Variants in DYNLT5 observed in about 807,000 individuals in gnomAD.
The protein encoded by DYNLT5 is dynein light chain Tctex-type family member 5.
DYNLT5 carries 25 observed loss-of-function variants against 19.3 expected under a neutral mutation model. The ratio of observed to expected loss-of-function variants is 1.30; its 90% CI spans 0.95 to 1.81. DYNLT5 has a LOEUF of 1.81. DYNLT5 is among the 40% of genes most tolerant of loss of function. The pLI, the probability that DYNLT5 is intolerant of heterozygous loss-of-function variation, is 0.00. For missense variants in DYNLT5, 232 were observed against 217.9 expected, an observed-to-expected ratio of 1.06 and a Z score of -0.41; for synonymous variants, 82 against 68.9, an observed-to-expected ratio of 1.19 and a Z score of -0.94.
chr1:66,777,225 G>A (rs757214188), intron 4 of DYNLT5, 26 bp from the exon 5 acceptor site: 1 of 1,588,586 alleles, frequency 6.3e-7, no homozygotes. Flanking sequence ...GCTGAATGAA[G>A]ACCCTCCCTT....
chr1:66,776,447 T>G, intron 4 of DYNLT5, 44 bp downstream of exon 4: 1 of 1,557,098 alleles, frequency 6.4e-7, no homozygotes, highest in Middle Eastern at 1.7e-4. Flanking sequence ...AGCTAGAATA[T>G]TTGCTAAAGT....
chr1:66,760,442 A>G (rs1172660264), intron 2 of DYNLT5, among the ~76,000 whole-genome samples: 1 of 152,176 alleles, frequency 6.6e-6, no homozygotes, highest in African/African-American at 2.4e-5. Flanking sequence ...CTCACGAACA[A>G]GTTAGGTTCA....
chr1:66,776,329 G>A lies in DYNLT5; in HGVS notation c.262G>A (p.Val88Ile), dbSNP rs766643429. The change falls in exon 4 of 5, where the codon GTA becomes ATA. Residue 88 changes from valine (V) to isoleucine (I), a missense_variant. By Grantham distance (29) the Val-to-Ile change is conservative. Coordinates refer to ENST00000282670, the MANE Select transcript of DYNLT5 (RefSeq NM_152665.3). ...VVTVNHILKD[V>I]VTSYLQVEEY... is the part of the protein sequence containing the mutation. ...CACCGTCAATCATATTTTGAAAGAT[G>A]TAGTAACCAGCTATCTACAAGTAGA... The A allele has an allele frequency of 8.1e-6, 13 of 1,613,466 alleles. No individual in the cohort carries two copies. The highest frequency in any genetic ancestry group is 3.3e-4 in the Middle Eastern group (2 of 6,056).
At chr1:66,767,529 A>G (rs951173253) in intron 2 of DYNLT5, among the ~76,000 whole-genome samples, 35 of 152,278 alleles carry the variant, frequency 2.3e-4, no homozygotes, top group Non-Finnish European at 1.8e-4. Context: ...AAGTGCTGGG[A>G]TTACAGGCGT....
intron 2 of DYNLT5, among the ~76,000 whole-genome samples, chr1:66,768,149 G>A (rs1221689590): frequency 2.6e-5 from 4 of 152,150 alleles, no homozygotes; most frequent in African/African-American, 9.7e-5. Flanking sequence ...TCCAGAATGT[G>A]TATGTATTAA....
chr1:66,754,388 A>G (rs1337157017), intron 1 of DYNLT5, among the ~76,000 whole-genome samples: 1 of 152,218 alleles, frequency 6.6e-6, no homozygotes, highest in Non-Finnish European at 1.5e-5. Flanking sequence ...CTCCGTCTTC[A>G]TCAGCTAAGC....
chr1:66,753,925 G>A (rs1302371681), intron 1 of DYNLT5, among the ~76,000 whole-genome samples: 1 of 151,868 alleles, frequency 6.6e-6, no homozygotes. Flanking sequence ...ACTCCAGCCT[G>A]GGTAACAAGA....
At chr1:66,772,321 A>C (rs1414945268) in intron 3 of DYNLT5, among the ~76,000 whole-genome samples, 1 of 152,202 alleles carries the variant, frequency 6.6e-6, no homozygotes, top group East Asian at 1.9e-4. Context: ...ATGGCAAGAG[A>C]GGGAACAAGA....
rs749841882 is a variant in DYNLT5 at position 66,754,758 on chromosome 1, A to T, written c.100A>T (p.Ile34Phe). 1.2e-6 allele frequency: 2 copies of T among 1,612,368 alleles called. No individual in the cohort carries two copies. The highest frequency in any genetic ancestry group is 1.7e-6 in the Non-Finnish European group (2 of 1,179,516). The change falls in exon 2 of 5, where the codon ATT (isoleucine) becomes TTT (phenylalanine). Residue 34 changes from isoleucine to phenylalanine, a missense_variant. Coordinates refer to ENST00000282670, the MANE Select transcript of DYNLT5 (RefSeq NM_152665.3). ...TAATCATGAATTTTGGCGAAAGGAAATTCATGGGCGCATCAAAGAGTGAGT... is the reference window on the plus strand; with the variant it reads ...TAATCATGAATTTTGGCGAAAGGAATTTCATGGGCGCATCAAAGAGTGAGT... ...LSNHEFWRKEIHGRIKDSMST... is the reference protein window; with the variant it reads ...LSNHEFWRKEFHGRIKDSMST...
At chr1:66,758,871 G>A (rs2094640925) in intron 2 of DYNLT5, among the ~76,000 whole-genome samples, 1 of 152,110 alleles carries the variant, frequency 6.6e-6, no homozygotes, top group African/African-American at 2.4e-5. Context: ...AATTGAAAAT[G>A]GTGCTGCCAG....
intron 2 of DYNLT5, among the ~76,000 whole-genome samples, chr1:66,765,994 TTGAA>T (rs2094654273): frequency 6.6e-6 from 1 of 152,242 alleles, no homozygotes; most frequent in Non-Finnish European, 1.5e-5. Context: ...GTATTTTTCA[TTGAA>T]TTACAAGTTG....
At chr1:66,768,578 T>C (rs1572549298) in intron 2 of DYNLT5, 1 of 152,318 alleles carries the variant, frequency 6.6e-6, no homozygotes, top group Non-Finnish European at 1.5e-5. Context: ...AGTGCACTGA[T>C]TGTCAATCTT....
At chr1:66,754,875 G>GATA (rs974075084) in intron 2 of DYNLT5, 98 bp downstream of exon 2, 59 of 1,289,860 alleles carry the variant, frequency 4.6e-5, no homozygotes, top group Non-Finnish European at 5.6e-5. Context: ...CATAAAAAGA[G>GATA]ATAAAATGGG....
intron 2 of DYNLT5, among the ~76,000 whole-genome samples, chr1:66,761,798 G>A (rs995917934): frequency 6.6e-6 from 1 of 152,052 alleles, no homozygotes; most frequent in African/African-American, 2.4e-5. Flanking sequence ...AAAATAAAAT[G>A]AAATGAAATA....
Position 66,754,655 on chromosome 1 carries a change from G to T in DYNLT5, c.-3-1G>T, listed in dbSNP as rs1468001344. 2 of 1,605,642 alleles carry T rather than the reference G, an allele frequency of 1.2e-6. No individual in the cohort carries two copies. The highest frequency in any genetic ancestry group is 2.2e-5 in the South Asian group (2 of 89,012). ...TATTTTACAAAAGTCTTCTTCCATAGGTTATGATGATGTCAGACAATGCTA... is the reference window on the plus strand; with the variant it reads ...TATTTTACAAAAGTCTTCTTCCATATGTTATGATGATGTCAGACAATGCTA... On this transcript the variant is annotated splice_acceptor_variant, in intron 1 of 4. Coordinates refer to ENST00000282670, the MANE Select transcript of DYNLT5 (RefSeq NM_152665.3). LOFTEE classifies it low-confidence loss of function (5UTR_SPLICE).
At chr1:66,760,117 C>T (rs1311338209) in intron 2 of DYNLT5, among the ~76,000 whole-genome samples, 2 of 152,160 alleles carry the variant, frequency 1.3e-5, no homozygotes, top group African/African-American at 4.8e-5. Flanking sequence ...ATCACATCTT[C>T]TCCTCCACCC....
Position 66,752,501 on chromosome 1 carries a change from G to T in DYNLT5, c.-87G>T. 1 of 985,596 alleles carries T rather than the reference G, an allele frequency of 1.0e-6. No homozygotes were observed. Among genetic ancestry groups the T allele is most frequent in the Non-Finnish European group, 1.2e-6 (1 of 830,048 alleles). The allele number at this position is 985,596 out of a possible 1,614,324, so 61.1% of individuals were successfully genotyped here. On this transcript the variant is annotated 5_prime_UTR_variant, in exon 1 of 5. Transcript: ENST00000282670. ...CGCGGGCGGCCGCCGGCTGAATGAA[G>T]CCTGGGACGCGGGAGCCGCGCCGCG...
In DYNLT5 at chr1:66,777,356, T is replaced by A; in HGVS notation, c.442T>A (p.Cys148Ser). 1 of 1,614,028 alleles carries A rather than the reference T, an allele frequency of 6.2e-7. No individual in the cohort carries two copies. The highest frequency in any genetic ancestry group is 8.5e-7 in the Non-Finnish European group (1 of 1,179,934). The change falls in exon 5 of 5, where the codon TGC becomes AGC. Residue 148 changes from cysteine to serine, a missense_variant. Transcript: ENST00000282670. ...NRQSILIGSR[C>S]LWDPKSDTFS... ...GCAGAGCATACTTATTGGAAGCAGATGCCTCTGGGATCCTAAAAGTGATAC... is the reference window on the plus strand; with the variant it reads ...GCAGAGCATACTTATTGGAAGCAGAAGCCTCTGGGATCCTAAAAGTGATAC...
chr1:66,754,673 C>G lies in DYNLT5; in HGVS notation c.15C>G (p.Asp5Glu). 6.2e-7 allele frequency: 1 copy of G among 1,608,368 alleles called. No individual in the cohort carries two copies. Among genetic ancestry groups the G allele is most frequent in the Admixed American group, 1.7e-5 (1 of 59,080 alleles). The change falls in exon 2 of 5, where the codon GAC becomes GAG. Residue 5 changes from aspartate (D) to glutamate (E), a missense_variant. Asp to Glu is a conservative substitution (Grantham distance 45, BLOSUM62 2). Coordinates refer to ENST00000282670, the MANE Select transcript of DYNLT5 (RefSeq NM_152665.3). ...TTCCATAGGTTATGATGATGTCAGACAATGCTAAAGGCAGAGCAGCTCATT... is the reference window on the plus strand; with the variant it reads ...TTCCATAGGTTATGATGATGTCAGAGAATGCTAAAGGCAGAGCAGCTCATT... MMMS[D>E]NAKGRAAHSW...
Sources: allele counts gnomAD v4.1 joint callset (sites outside exome capture counted in the v4.1 genomes callset), GRCh38; gene constraint gnomAD v4.1.1; transcripts MANE v1.5; gene names NCBI Gene and HGNC (gene_info 2026-07-23, HGNC 2026-07-21).